Variants in CEP63 observed in about 807,000 individuals in gnomAD.
CEP63 encodes centrosomal protein of 63 kDa.
In CEP63, 84 loss-of-function variants were observed where a neutral mutation model predicts 89.1. The ratio of observed to expected loss-of-function variants is 0.94; its 90% CI spans 0.79 to 1.13. The LOEUF is 1.13. Among genes scored for constraint, CEP63 ranks in the 50% most tolerant of loss-of-function variants. CEP63 has a pLI of 0.00. For missense variants in CEP63, 838 were observed against 813.3 expected (o/e 1.03, Z -0.37); for synonymous variants, 267 against 272.5 (o/e 0.98, Z 0.20).
intron 11 of CEP63, among the ~76,000 whole-genome samples, chr3:134,551,348 A>T (rs1954777965): frequency 6.6e-6 from 1 of 152,118 alleles, no homozygotes. Context: ...CAAACTTAGG[A>T]TACTTCTCAT....
At chr3:134,761,394 C>T in the CEP63 span, among the ~76,000 whole-genome samples, 30 of 152,322 alleles carry the variant, frequency 2.0e-4, no homozygotes, top group Non-Finnish European at 4.3e-4. Flanking sequence ...GGACTCCCTC[C>T]AGGAGAAAGG....
the CEP63 span, chr3:134,610,280 C>T: frequency 6.2e-7 from 1 of 1,613,978 alleles, no homozygotes; most frequent in South Asian, 1.1e-5. Flanking sequence ...TCCAGGTACA[C>T]AGCATTCCAG....
the CEP63 span, among the ~76,000 whole-genome samples, chr3:134,754,305 TCA>T: frequency 6.6e-6 from 1 of 152,174 alleles, no homozygotes; most frequent in East Asian, 1.9e-4. Flanking sequence ...GGGCTAATGC[TCA>T]GAGACCCTGG....
In CEP63 at chr3:134,532,781, T is replaced by C. The variant is rs182618446; in HGVS notation, c.322T>C (p.Cys108Arg). 8 of 1,599,120 alleles carry C rather than the reference T, an allele frequency of 5.0e-6. No individual in the cohort carries two copies. Among genetic ancestry groups the C allele is most frequent in the Middle Eastern group, 1.7e-4 (1 of 6,056 alleles). ...QELKKLHEELCILKRSYEKLQ... is the reference protein window; with the variant it reads ...QELKKLHEELRILKRSYEKLQ... ...ATAGAAATAACTGTTTCTACAGTTA[T>C]GCATACTGAAGAGAAGCTATGAAAA... is the stretch of plus-strand genomic sequence containing the variant. Residue 108 changes from cysteine to arginine, a missense_variant, in exon 5 of 15, where the codon TGC becomes CGC. Cys to Arg is a radical substitution (Grantham distance 180). Transcript: ENST00000675561.
the CEP63 span, among the ~76,000 whole-genome samples, chr3:134,680,007 G>A: frequency 1.3e-5 from 2 of 152,138 alleles, no homozygotes; most frequent in African/African-American, 4.8e-5. Flanking sequence ...TTACAAGTGT[G>A]AGCCACCATA....
downstream of CEP63, among the ~76,000 whole-genome samples, chr3:134,592,389 A>G (rs756498690): frequency 6.6e-6 from 1 of 151,980 alleles, no homozygotes; most frequent in Non-Finnish European, 1.5e-5. Context: ...GATGGGAATT[A>G]GGCTCTTCCT....
chr3:134,676,229 A>G, the CEP63 span, among the ~76,000 whole-genome samples: 256 of 152,362 alleles, frequency 1.7e-3, no homozygotes, highest in African/African-American at 5.8e-3. Flanking sequence ...TACCCATACA[A>G]TGGAATATAT....
chr3:134,660,697 T>C, the CEP63 span, among the ~76,000 whole-genome samples: 1 of 152,190 alleles, frequency 6.6e-6, no homozygotes, highest in African/African-American at 2.4e-5. Context: ...CAACATAGCA[T>C]CAACTCCCAG....
the CEP63 span, among the ~76,000 whole-genome samples, chr3:134,687,843 C>T: frequency 1.3e-5 from 2 of 152,298 alleles, no homozygotes; most frequent in South Asian, 2.1e-4. Flanking sequence ...TGTGGACTGT[C>T]CTTGTGTTGC....
intron 3 of CEP63, among the ~76,000 whole-genome samples, chr3:134,514,472 A>G (rs897133430): frequency 2.1e-4 from 32 of 152,214 alleles, no homozygotes; most frequent in Non-Finnish European, 3.7e-4. Flanking sequence ...TAAGAAGTCC[A>G]AGAATCTCAA....
chr3:134,676,825 C>T, the CEP63 span, among the ~76,000 whole-genome samples: 1 of 152,178 alleles, frequency 6.6e-6, no homozygotes, highest in Non-Finnish European at 1.5e-5. Flanking sequence ...TATCGCTTAC[C>T]CCCAGAGGAA....
chr3:134,519,285 G>A (rs1223582433), intron 3 of CEP63, among the ~76,000 whole-genome samples: 5 of 151,888 alleles, frequency 3.3e-5, no homozygotes, highest in East Asian at 1.9e-4. Flanking sequence ...CACCATGCCC[G>A]GCTAATTTTT....
chr3:134,676,613 A>G, the CEP63 span, among the ~76,000 whole-genome samples: 1 of 152,190 alleles, frequency 6.6e-6, no homozygotes, highest in African/African-American at 2.4e-5. Context: ...TTTTAAAAAG[A>G]GAATATTAAA....
the CEP63 span, among the ~76,000 whole-genome samples, chr3:134,670,929 T>C: frequency 6.6e-6 from 1 of 152,244 alleles, no homozygotes. Flanking sequence ...GATATTATAG[T>C]ATGACATCAT....
the CEP63 span, among the ~76,000 whole-genome samples, chr3:134,677,948 G>A: frequency 1.3e-5 from 2 of 151,710 alleles, no homozygotes; most frequent in Non-Finnish European, 2.9e-5. Flanking sequence ...TCTGCTTGCT[G>A]GTCTCTTTGT....
intron 2 of CEP63, among the ~76,000 whole-genome samples, chr3:134,502,442 A>G (rs1431874585): frequency 1.3e-5 from 2 of 152,284 alleles, no homozygotes; most frequent in Non-Finnish European, 2.9e-5. Flanking sequence ...CTGTGAATCC[A>G]TCTGGTCTGG....
At chr3:134,551,443 A>AC (rs1435072911) in intron 11 of CEP63, among the ~76,000 whole-genome samples, 3 of 152,180 alleles carry the variant, frequency 2.0e-5, no homozygotes, top group Non-Finnish European at 4.4e-5. Flanking sequence ...AGCCAAGGAA[A>AC]GAAGGAATAT....
At chr3:134,761,772 A>G in the CEP63 span, among the ~76,000 whole-genome samples, 24,072 of 152,084 alleles carry the variant, frequency 0.16, 2,204 homozygotes, top group South Asian at 0.42. Flanking sequence ...GTCAATCTCA[A>G]GAGAGGAGAG....
At chr3:134,511,549 A>G (rs1353977550) in intron 3 of CEP63, 2 of 152,672 alleles carry the variant, frequency 1.3e-5, no homozygotes, top group Non-Finnish European at 2.9e-5. Flanking sequence ...CTCTCATTGC[A>G]ATAAGGAACT....
Sources: allele counts gnomAD v4.1 joint callset (sites outside exome capture counted in the v4.1 genomes callset), GRCh38; gene constraint gnomAD v4.1.1; transcripts MANE v1.5; gene names NCBI Gene and HGNC (gene_info 2026-07-23, HGNC 2026-07-21).